The following DIP2B variants were observed in gnomAD, a reference collection of about 807,000 sequenced individuals.
The protein encoded by DIP2B is disco-interacting protein 2 homolog B.
DIP2B carries 76 observed loss-of-function variants against 198.0 expected under a neutral mutation model. That is an observed-to-expected ratio of 0.38 (90% CI 0.32 to 0.46). The LOEUF (loss-of-function observed/expected upper bound fraction) is 0.46. Ranked by LOEUF, DIP2B falls within the 20% of genes least tolerant of loss-of-function variation. The pLI, the probability that DIP2B is intolerant of heterozygous loss-of-function variation, is 0.99. For synonymous variants in DIP2B, 701 were observed against 739.1 expected (o/e 0.95, Z 0.84); for missense variants, 1,559 against 1,978.4 (o/e 0.79, Z 4.02).
chr12:50,674,367 C>A, intron 5 of DIP2B, 107 bp from the exon 6 acceptor site: 1 of 1,153,528 alleles, frequency 8.7e-7, no homozygotes, highest in East Asian at 2.5e-5. Context: ...AGAGCCAGTG[C>A]CCCCATTTAT....
intron 1 of DIP2B, among the ~76,000 whole-genome samples, chr12:50,589,894 C>T (rs1958803823): frequency 6.6e-6 from 1 of 152,156 alleles, no homozygotes; most frequent in African/African-American, 2.4e-5. Flanking sequence ...AATTATCTTC[C>T]AAGATCCTCT....
intron 21 of DIP2B, 39 bp from the exon 22 acceptor site, chr12:50,708,409 G>T: frequency 6.5e-7 from 1 of 1,532,114 alleles, no homozygotes; most frequent in Non-Finnish European, 8.9e-7. Context: ...AGGACTGGTT[G>T]TGAAGGGAGT....
intron 34 of DIP2B, 84 bp downstream of exon 34, chr12:50,735,214 T>A: frequency 1.3e-6 from 2 of 1,492,966 alleles, no homozygotes; most frequent in Non-Finnish European, 1.9e-6. Context: ...ATATAATATA[T>A]TAGTGTCCAG....
intron 3 of DIP2B, among the ~76,000 whole-genome samples, chr12:50,644,347 C>T (rs542509300): frequency 6.6e-6 from 1 of 152,306 alleles, no homozygotes; most frequent in Admixed American, 6.5e-5. Context: ...TTCTGACTCC[C>T]TTGATGTTAA....
At chr12:50,729,248 T>C (rs1309221039) in intron 30 of DIP2B, among the ~76,000 whole-genome samples, 1 of 152,196 alleles carries the variant, frequency 6.6e-6, no homozygotes, top group Admixed American at 6.5e-5. Flanking sequence ...GTTCTCTCTT[T>C]GTTAGGATAG....
chr12:50,581,936 G>T (rs1472401781), intron 1 of DIP2B, among the ~76,000 whole-genome samples: 3 of 151,932 alleles, frequency 2.0e-5, no homozygotes, highest in Non-Finnish European at 4.4e-5. Flanking sequence ...AATACTGATT[G>T]AGGCAGAGCT....
intron 1 of DIP2B, among the ~76,000 whole-genome samples, chr12:50,523,046 A>C (rs1382790215): frequency 6.6e-6 from 1 of 152,198 alleles, no homozygotes; most frequent in Non-Finnish European, 1.5e-5. Flanking sequence ...TAAGAAAGAC[A>C]TAAGATCTGT....
intron 1 of DIP2B, among the ~76,000 whole-genome samples, chr12:50,549,179 A>G (rs1217791057): frequency 2.6e-5 from 4 of 151,860 alleles, no homozygotes; most frequent in African/African-American, 9.7e-5. Flanking sequence ...TTAAAAAAAA[A>G]AAAAAAGGGC....
intron 6 of DIP2B, 117 bp from the exon 7 acceptor site, chr12:50,675,211 GA>G: frequency 7.7e-7 from 1 of 1,294,304 alleles, no homozygotes; most frequent in African/African-American, 1.5e-5. Flanking sequence ...CCACTTGAAA[GA>G]GAAGGAAACT....
At chr12:50,683,507 C>T (rs1193676196) in intron 10 of DIP2B, among the ~76,000 whole-genome samples, 1 of 152,058 alleles carries the variant, frequency 6.6e-6, no homozygotes, top group Non-Finnish European at 1.5e-5. Flanking sequence ...CGAGGCCGGG[C>T]GCAGTGGCTC....
intron 3 of DIP2B, 85 bp from the exon 4 acceptor site, chr12:50,660,108 AC>A: frequency 7.9e-7 from 1 of 1,261,692 alleles, no homozygotes; most frequent in Non-Finnish European, 1.0e-6. Flanking sequence ...TTTTTTTTAA[AC>A]AATTGAGGCA....
At chr12:50,525,454 TA>T (rs749911041) in intron 1 of DIP2B, among the ~76,000 whole-genome samples, 9 of 151,184 alleles carry the variant, frequency 6.0e-5, no homozygotes, top group Non-Finnish European at 1.2e-4. Flanking sequence ...TTGAACAAAA[TA>T]GGCATTTCTT....
At chr12:50,735,358 A>T (rs1313121902) in intron 34 of DIP2B, among the ~76,000 whole-genome samples, 1 of 152,054 alleles carries the variant, frequency 6.6e-6, no homozygotes, top group East Asian at 1.9e-4. Context: ...TCCAACTGAC[A>T]TGTTATTCTT....
chr12:50,645,300 G>A (rs778448897), intron 3 of DIP2B, among the ~76,000 whole-genome samples: 1 of 152,102 alleles, frequency 6.6e-6, no homozygotes, highest in Non-Finnish European at 1.5e-5. Flanking sequence ...AAACAGTCGT[G>A]TGCACAAAGA....
intron 3 of DIP2B, among the ~76,000 whole-genome samples, chr12:50,649,445 A>G (rs184146387): frequency 1.3e-5 from 2 of 152,364 alleles, no homozygotes; most frequent in Non-Finnish European, 2.9e-5. Flanking sequence ...TATATCTGGG[A>G]ATTTAGTATA....
chr12:50,640,899 T>C, intron 3 of DIP2B, 47 bp downstream of exon 3: 1 of 1,588,714 alleles, frequency 6.3e-7, no homozygotes. Context: ...TTCCTAACAG[T>C]AGTATGAACT....
At chr12:50,723,413 A>G in intron 27 of DIP2B, 90 bp downstream of exon 27, 2 of 1,559,502 alleles carry the variant, frequency 1.3e-6, no homozygotes, top group Non-Finnish European at 1.7e-6. Flanking sequence ...CAATTTTGTT[A>G]AGTCAGGAAT....
intron 1 of DIP2B, among the ~76,000 whole-genome samples, chr12:50,593,737 T>C (rs146526610): frequency 0.38 from 2,109 of 5,534 alleles, 255 homozygotes; most frequent in South Asian, 0.43. Context: ...TCTCCTCTCC[T>C]CTCCTCTCCC....
intron 31 of DIP2B, among the ~76,000 whole-genome samples, 163 bp downstream of exon 31, chr12:50,731,700 C>T (rs1940045797): frequency 6.6e-6 from 1 of 152,178 alleles, no homozygotes; most frequent in African/African-American, 2.4e-5. Context: ...TTTATCTCTT[C>T]CACCTTCCTA....
Sources: allele counts gnomAD v4.1 joint callset (sites outside exome capture counted in the v4.1 genomes callset), GRCh38; gene constraint gnomAD v4.1.1; transcripts MANE v1.5; gene names NCBI Gene and HGNC (gene_info 2026-07-23, HGNC 2026-07-21).